FOXN3: variants seen among roughly 807,000 people sequenced by gnomAD.
FOXN3 encodes forkhead box protein N3.
Under a neutral mutation model 38.4 loss-of-function variants are expected in FOXN3, and 7 were observed. The ratio of observed to expected loss-of-function variants is 0.18; its 90% CI spans 0.10 to 0.34. The LOEUF (loss-of-function observed/expected upper bound fraction) is 0.34. Ranked by LOEUF, FOXN3 falls within the 10% of genes least tolerant of loss-of-function variation. The probability of loss-of-function intolerance (pLI) is 1.00; values close to 1 mark genes in which losing one functional copy is unlikely to be tolerated. For synonymous variants in FOXN3, 230 were observed against 242.2 expected, an observed-to-expected ratio of 0.95 and a Z score of 0.47; for missense variants, 456 against 613.4, an observed-to-expected ratio of 0.74 and a Z score of 2.71.
intron 2 of FOXN3, among the ~76,000 whole-genome samples, chr14:89,387,130 C>A (rs1890811647): frequency 6.6e-6 from 1 of 152,148 alleles, no homozygotes; most frequent in African/African-American, 2.4e-5. Flanking sequence ...TGGTGGTGTA[C>A]CTGTAGTCTC....
intron 4 of FOXN3, among the ~76,000 whole-genome samples, chr14:89,240,964 C>A (rs758348252): frequency 6.6e-6 from 1 of 152,150 alleles, no homozygotes; most frequent in South Asian, 2.1e-4. Context: ...ATTCCCTCTA[C>A]GCCTCACTCA....
intron 1 of FOXN3, among the ~76,000 whole-genome samples, chr14:89,523,581 C>T (rs747950793): frequency 1.4e-4 from 22 of 152,146 alleles, no homozygotes; most frequent in Non-Finnish European, 3.1e-4. Context: ...CTAAATAACA[C>T]ATCTCTAAAT....
chr14:89,573,452 C>T (rs1895535678), intron 1 of FOXN3, among the ~76,000 whole-genome samples: 1 of 152,076 alleles, frequency 6.6e-6, no homozygotes, highest in South Asian at 2.1e-4. Flanking sequence ...CAAAACATAC[C>T]TACTGATTTA....
At chr14:89,471,289 T>C (rs555113955) in intron 1 of FOXN3, among the ~76,000 whole-genome samples, 1 of 152,268 alleles carries the variant, frequency 6.6e-6, no homozygotes, top group East Asian at 1.9e-4. Context: ...AGTAATCCAT[T>C]TTCCTCAGAA....
intron 1 of FOXN3, among the ~76,000 whole-genome samples, chr14:89,482,229 C>T (rs1893346207): frequency 6.6e-6 from 1 of 152,204 alleles, no homozygotes; most frequent in South Asian, 2.1e-4. Flanking sequence ...GACAGTATCC[C>T]ATGAGCTCCT....
chr14:89,554,346 A>G (rs1055743504), intron 1 of FOXN3, among the ~76,000 whole-genome samples: 1 of 152,106 alleles, frequency 6.6e-6, no homozygotes, highest in African/African-American at 2.4e-5. Flanking sequence ...TATGTTGCCC[A>G]GGCTGGTCTC....
chr14:89,418,276 GAA>G (rs1332715837), upstream of FOXN3, among the ~76,000 whole-genome samples: 2 of 151,992 alleles, frequency 1.3e-5, no homozygotes, highest in Non-Finnish European at 2.9e-5. Flanking sequence ...TGAGCGGTCT[GAA>G]AACTACAGAA....
At chr14:89,417,613 C>T (rs758803592), upstream of FOXN3, 32 of 414,122 alleles carry the variant, frequency 7.7e-5, no homozygotes, top group Middle Eastern at 4.8e-4. Context: ...CAACGTGTCG[C>T]GGGAACGCTC....
chr14:89,588,762 G>T (rs550156746), intron 1 of FOXN3, among the ~76,000 whole-genome samples: 1 of 152,324 alleles, frequency 6.6e-6, no homozygotes, highest in East Asian at 1.9e-4. Context: ...GGGTAGGGCT[G>T]CTGTCTTCAT....
Position 89,159,181 on chromosome 14 carries a change from G to T in FOXN3, c.*3233C>A, listed in dbSNP as rs1596072180. The T allele has an allele frequency of 6.5e-6, 1 of 152,762 alleles. No homozygotes were observed. The highest frequency in any genetic ancestry group is 1.9e-4 in the East Asian group (1 of 5,190). The allele number at this position is 152,762 out of a possible 1,614,324, so 9.5% of individuals were successfully genotyped here. ...TGCCCCTTGGCTTGTTAAGGACACG[G>T]ACAACCTCATTCTCCAATAAATTCA... On this transcript the variant is annotated 3_prime_UTR_variant, in exon 6 of 6. Transcript: ENST00000557258.
intron 2 of FOXN3, among the ~76,000 whole-genome samples, chr14:89,368,429 G>C (rs568024479): frequency 2.0e-5 from 3 of 151,958 alleles, no homozygotes; most frequent in African/African-American, 7.2e-5. Context: ...GATCACTTGA[G>C]CCCAGGAGTT....
intron 2 of FOXN3, among the ~76,000 whole-genome samples, chr14:89,360,038 G>A (rs748287786): frequency 6.6e-6 from 1 of 152,242 alleles, no homozygotes; most frequent in Non-Finnish European, 1.5e-5. Flanking sequence ...CATATGCCAC[G>A]GTCTCCCAGG....
chr14:89,236,439 C>T (rs10147151), intron 4 of FOXN3, among the ~76,000 whole-genome samples: 5,734 of 152,184 alleles, frequency 0.038, 329 homozygotes, highest in African/African-American at 0.13. Context: ...GGGGTGAACC[C>T]GGGAGGCGGA....
chr14:89,233,477 T>A (rs1201005266), intron 4 of FOXN3, among the ~76,000 whole-genome samples: 1 of 152,254 alleles, frequency 6.6e-6, no homozygotes, highest in Non-Finnish European at 1.5e-5. Flanking sequence ...TATTTTTCAG[T>A]GACACATAGT....
intron 3 of FOXN3, among the ~76,000 whole-genome samples, chr14:89,284,883 A>G (rs1200302837): frequency 1.3e-5 from 2 of 152,178 alleles, no homozygotes; most frequent in Non-Finnish European, 2.9e-5. Context: ...CATCCTGAAC[A>G]GCATACCCGG....
chr14:89,466,051 A>G (rs1356658027), intron 1 of FOXN3, among the ~76,000 whole-genome samples: 2 of 152,206 alleles, frequency 1.3e-5, no homozygotes, highest in Non-Finnish European at 2.9e-5. Flanking sequence ...TCACAGTGTG[A>G]TCGTCACTGA....
intron 2 of FOXN3, among the ~76,000 whole-genome samples, chr14:89,375,267 A>G (rs1470420152): frequency 1.3e-5 from 2 of 152,228 alleles, no homozygotes; most frequent in East Asian, 1.9e-4. Flanking sequence ...ATCGTCAAGT[A>G]TATGTTGTTA....
intron 1 of FOXN3, among the ~76,000 whole-genome samples, chr14:89,528,408 T>TTTTTTTTTTTTTTTTTG (rs1566687721): frequency 1.0e-5 from 1 of 98,972 alleles, no homozygotes; most frequent in African/African-American, 3.5e-5. Context: ...TTTTTTTTTT[T>TTTTTTTTTTTTTTTTTG]TGAAAAAGAA....
chr14:89,169,453 G>C (rs1045833212), intron 5 of FOXN3, among the ~76,000 whole-genome samples: 9 of 151,600 alleles, frequency 5.9e-5, no homozygotes, highest in African/African-American at 2.2e-4. Context: ...AAAAAGAAAA[G>C]AAAATGTGGC....
Sources: gnomAD v4.1 joint callset for allele counts (sites outside exome capture counted in the v4.1 genomes callset) on GRCh38, gnomAD v4.1.1 for gene constraint, MANE v1.5 for transcripts, NCBI Gene and HGNC (gene_info 2026-07-23, HGNC 2026-07-21) for gene names.